IL16: variants seen among roughly 807,000 people sequenced by gnomAD.
The protein encoded by IL16 is interleukin 16.
A neutral mutation model predicts 110.1 loss-of-function variants in IL16; 67 were observed. That is an observed-to-expected ratio of 0.61 (90% CI 0.50 to 0.75). The LOEUF (loss-of-function observed/expected upper bound fraction) is 0.75. Among genes scored for constraint, IL16 ranks in the 30% least tolerant of loss-of-function variants. IL16 has a pLI of 0.00. For synonymous variants in IL16, 689 were observed against 662.9 expected (o/e 1.04, Z -0.61); for missense variants, 1,545 against 1,655.0 (o/e 0.93, Z 1.15).
chr15:81,193,621 G>C (rs529218310), upstream of IL16, among the ~76,000 whole-genome samples: 1 of 152,258 alleles, frequency 6.6e-6, no homozygotes, highest in South Asian at 2.1e-4. Flanking sequence ...TAGAATTTTC[G>C]TATGAAGTTA....
chr15:81,183,830 G>A (rs1895380023), intron 1 of IL16, among the ~76,000 whole-genome samples: 1 of 152,196 alleles, frequency 6.6e-6, no homozygotes, highest in Admixed American at 6.5e-5. Flanking sequence ...TCTTGGAAAA[G>A]GCATTCAAAG....
chr15:81,273,152 C>T lies in IL16; in HGVS notation c.738C>T (p.Val246=). Residue 246 remains valine (V), a synonymous_variant, in exon 6 of 19, where the codon GTC becomes GTT. Coordinates refer to ENST00000683961, the MANE Select transcript of IL16 (RefSeq NM_172217.5). ...TTTATGGCCCCATTGGGATTTACGT[C>T]AAAACCATTTTTGCAGGGGGAGCAG... ...DSIYGPIGIY[V]KTIFAGGAAA... is the part of the protein sequence containing the mutation. 1 of 1,613,774 alleles carries T rather than the reference C, an allele frequency of 6.2e-7. No homozygotes were observed. Among genetic ancestry groups the T allele is most frequent in the Non-Finnish European group, 8.5e-7 (1 of 1,179,804 alleles).
At chr15:81,281,718 A>G (rs1224268172) in intron 8 of IL16, among the ~76,000 whole-genome samples, 7 of 152,148 alleles carry the variant, frequency 4.6e-5, no homozygotes, top group African/African-American at 7.2e-5. Flanking sequence ...CCATCTGCCC[A>G]GTTACTCAAG....
In IL16 at chr15:81,279,602, G is replaced by A. The variant is rs1169857181; in HGVS notation, c.909G>A (p.Leu303=). The change falls in exon 8 of 19, where the codon CTG becomes CTA. Residue 303 remains leucine, a synonymous_variant. Transcript: ENST00000683961. ...GLLTLTVRTR[L]TAPPSLCSHL... ...TCACCCTCACCGTGAGAACCCGCCT[G>A]ACGGCGCCTCCTTCCCTGTGCAGCC... 1.9e-6 allele frequency: 3 copies of A among 1,613,854 alleles called. No individual in the cohort carries two copies. Among genetic ancestry groups the A allele is most frequent in the Non-Finnish European group, 2.5e-6 (3 of 1,180,034 alleles).
chr15:81,183,205 A>G (rs1895370827), intron 1 of IL16, among the ~76,000 whole-genome samples: 1 of 152,236 alleles, frequency 6.6e-6, no homozygotes, highest in Admixed American at 6.5e-5. Context: ...AACCCTGGCC[A>G]GGGCAATGGT....
At chr15:81,202,311 A>T (rs1895847554) in intron 1 of IL16, among the ~76,000 whole-genome samples, 1 of 152,190 alleles carries the variant, frequency 6.6e-6, no homozygotes, top group Admixed American at 6.5e-5. Context: ...GTAGTGGAAG[A>T]ACCTGTTCTC....
rs140990190 is a variant in IL16, at chr15:81,247,216, A to G, written c.313-12556A>G. On this transcript the variant is annotated intron_variant, in intron 2 of 18. Transcript: ENST00000683961. ...TTTTTATTTAATAAATTTTGTCCAT[A>G]TCTTTATCGTTTTCTCTACTTTCTT... 6.7e-3 allele frequency among the ~76,000 whole-genome samples: 1,016 copies of G among 150,588 alleles called. 17 individuals are homozygous for G. Among genetic ancestry groups the G allele is most frequent in the African/African-American group, 0.023 (947 of 41,022 alleles).
chr15:81,261,905 C>CA (rs554562826), intron 3 of IL16, among the ~76,000 whole-genome samples: 1,869 of 152,074 alleles, frequency 0.012, 32 homozygotes, highest in South Asian at 0.028. Context: ...CATGTCTCTA[C>CA]AAAAAATTTT....
chr15:81,246,264 A>G (rs1192502243), intron 2 of IL16, among the ~76,000 whole-genome samples: 1 of 151,868 alleles, frequency 6.6e-6, no homozygotes, highest in African/African-American at 2.4e-5. Flanking sequence ...CACCACCACA[A>G]TCAGGATACT....
intron 1 of IL16, among the ~76,000 whole-genome samples, chr15:81,200,203 A>G (rs780313420): frequency 4.0e-5 from 6 of 151,870 alleles, no homozygotes; most frequent in Non-Finnish European, 5.9e-5. Context: ...ATACCGTAGT[A>G]AAGGTATTGT....
chr15:81,183,045 G>A (rs576788785), intron 1 of IL16: 1 of 425,746 alleles, frequency 2.3e-6, no homozygotes, highest in Non-Finnish European at 4.6e-6. Flanking sequence ...GCACACGTGT[G>A]AGTGTGTGTG....
intron 1 of IL16, among the ~76,000 whole-genome samples, chr15:81,225,072 G>A (rs1896741428): frequency 6.6e-6 from 1 of 152,128 alleles, no homozygotes; most frequent in African/African-American, 2.4e-5. Context: ...AGAAGCTCTG[G>A]GGCTAGGTCT....
At chr15:81,261,489 T>C (rs1012815553) in intron 3 of IL16, among the ~76,000 whole-genome samples, 1 of 152,176 alleles carries the variant, frequency 6.6e-6, no homozygotes, top group African/African-American at 2.4e-5. Context: ...CCCACCTTGG[T>C]GCTGCAGTGC....
rs1044843797 is a variant in IL16, at chr15:81,275,436, G to C, written c.790+2232G>C. On this transcript the variant is annotated intron_variant, in intron 6 of 18. Coordinates refer to ENST00000683961, the MANE Select transcript of IL16 (RefSeq NM_172217.5). ...CGTTCTAGGGGAATAGCTAAATCAA[G>C]AGGGTGGTGGAGAGGAAATGTCAAA... 4.7e-5 allele frequency among the ~76,000 whole-genome samples: 7 copies of C among 149,362 alleles called. No homozygotes were observed. The East Asian group carries it at 1.4e-3, about 30-fold the overall frequency.
At chr15:81,199,843 A>G (rs1296220404) in intron 1 of IL16, among the ~76,000 whole-genome samples, 1 of 152,226 alleles carries the variant, frequency 6.6e-6, no homozygotes, top group Non-Finnish European at 1.5e-5. Context: ...TTCAGAACTC[A>G]TCCCAGCTCC....
intron 1 of IL16, among the ~76,000 whole-genome samples, chr15:81,215,167 T>C (rs927115069): frequency 2.0e-5 from 3 of 152,236 alleles, no homozygotes; most frequent in African/African-American, 7.2e-5. Context: ...AGGGAACTAG[T>C]GGACTCATTT....
chr15:81,291,282 C>G (rs901780523), intron 11 of IL16, among the ~76,000 whole-genome samples: 3 of 152,226 alleles, frequency 2.0e-5, no homozygotes, highest in Non-Finnish European at 4.4e-5. Flanking sequence ...TTTCTACCCA[C>G]CCAACATGCA....
In IL16 at chr15:81,299,379, G is replaced by A; in HGVS notation, c.2054-1G>A. On this transcript the variant is annotated splice_acceptor_variant, in intron 13 of 18. Transcript: ENST00000683961. LOFTEE classifies it high-confidence loss of function. ...GCTTTGGCCTTGTTTCTGCACTGTA[G>A]TGACCCAAACATCCCCGATAAAACA... is the stretch of plus-strand genomic sequence containing the variant. 1.2e-6 allele frequency: 2 copies of A among 1,611,826 alleles called. No individual in the cohort carries two copies. Among genetic ancestry groups the A allele is most frequent in the Non-Finnish European group, 1.7e-6 (2 of 1,180,008 alleles).
At chr15:81,304,967 T>A (rs1363095618) in intron 16 of IL16, among the ~76,000 whole-genome samples, 1 of 152,158 alleles carries the variant, frequency 6.6e-6, no homozygotes, top group Admixed American at 6.5e-5. Flanking sequence ...GGCAGAGACA[T>A]GAGATATTTT....
Sources: gnomAD v4.1 joint callset for allele counts (sites outside exome capture counted in the v4.1 genomes callset) on GRCh38, gnomAD v4.1.1 for gene constraint, MANE v1.5 for transcripts, NCBI Gene and HGNC (gene_info 2026-07-23, HGNC 2026-07-21) for gene names.